Variants in CRTAC1 observed in about 807,000 individuals in gnomAD.
The protein encoded by CRTAC1 is cartilage acidic protein 1.
CRTAC1 carries 37 observed loss-of-function variants against 67.8 expected under a neutral mutation model. The observed-to-expected ratio is 0.55, with a 90% CI of 0.42 to 0.72. The LOEUF is 0.72. Ranked by LOEUF, CRTAC1 falls within the 30% of genes least tolerant of loss-of-function variation. The pLI is 0.00. For missense variants in CRTAC1, 780 were observed against 931.6 expected (o/e 0.84, Z 2.12); for synonymous variants, 348 against 371.0 (o/e 0.94, Z 0.71).
intron 1 of CRTAC1, among the ~76,000 whole-genome samples, chr10:98,024,317 G>A (rs1843180860): frequency 6.6e-6 from 1 of 152,212 alleles, no homozygotes; most frequent in Non-Finnish European, 1.5e-5. Flanking sequence ...GCTAATTAAA[G>A]TAATACGTCA....
intron 14 of CRTAC1, 101 bp from the exon 15 acceptor site, chr10:97,865,815 G>C: frequency 5.8e-6 from 4 of 688,818 alleles, no homozygotes; most frequent in African/African-American, 1.8e-5. Flanking sequence ...TCACCCTGCT[G>C]CCCGGGGTGG....
chr10:97,897,176 G>C (rs2050473187), intron 8 of CRTAC1, among the ~76,000 whole-genome samples, 185 bp from the exon 9 acceptor site: 3 of 152,176 alleles, frequency 2.0e-5, no homozygotes, highest in Admixed American at 2.0e-4. Flanking sequence ...TCCCTGCCTG[G>C]GTTTTAATTT....
chr10:97,987,887 C>G (rs1002947683), intron 2 of CRTAC1, among the ~76,000 whole-genome samples: 2 of 152,166 alleles, frequency 1.3e-5, no homozygotes, highest in Non-Finnish European at 2.9e-5. Context: ...AATCCTACCC[C>G]CTTTCCCAAC....
chr10:97,911,458 A>G (rs949760293), intron 5 of CRTAC1, among the ~76,000 whole-genome samples: 1 of 152,228 alleles, frequency 6.6e-6, no homozygotes, highest in East Asian at 1.9e-4. Context: ...CAACCGGACC[A>G]TAACAGAGAT....
At position 97,897,780 on chromosome 10, in the gene CRTAC1, G is replaced by T. The variant is rs974217341; in HGVS notation, c.1134-789C>A. On this transcript the variant is annotated intron_variant, in intron 8 of 14. Coordinates refer to ENST00000370597, the MANE Select transcript of CRTAC1 (RefSeq NM_018058.7). The stretch of plus-strand genomic sequence containing the variant: ...TTTCCTCTAGAATTTTTCTCACTTG[G>T]TGTATTCTCACAGCCTTGGGTGCTC... Among the ~76,000 whole-genome samples, 4 of 152,212 alleles carry T rather than the reference G, an allele frequency of 2.6e-5. No homozygotes were observed. The South Asian group carries it at 8.3e-4, about 32-fold the overall frequency.
At chr10:97,912,569 T>C (rs534706150) in intron 5 of CRTAC1, among the ~76,000 whole-genome samples, 8 of 83,194 alleles carry the variant, frequency 9.6e-5, no homozygotes, top group African/African-American at 2.4e-4. Context: ...AATCCATCTC[T>C]CAGACTGCAT....
intron 2 of CRTAC1, among the ~76,000 whole-genome samples, chr10:97,953,969 C>G (rs543513726): frequency 6.6e-6 from 1 of 152,270 alleles, no homozygotes; most frequent in African/African-American, 2.4e-5. Context: ...TACTTTATGG[C>G]TCTGGCAAAT....
intron 2 of CRTAC1, among the ~76,000 whole-genome samples, chr10:97,938,609 TC>T (rs2136617128): frequency 6.6e-6 from 1 of 152,276 alleles, no homozygotes; most frequent in East Asian, 1.9e-4. Flanking sequence ...TGTTCATTTT[TC>T]CCCCTGGCTG....
intron 2 of CRTAC1, among the ~76,000 whole-genome samples, chr10:97,980,296 C>T (rs1305012025): frequency 1.3e-5 from 2 of 152,170 alleles, no homozygotes; most frequent in East Asian, 1.9e-4. Context: ...TAACAATGCA[C>T]TTGCTTTTAT....
intron 8 of CRTAC1, among the ~76,000 whole-genome samples, chr10:97,899,579 T>C (rs976432505): frequency 6.6e-6 from 1 of 152,222 alleles, no homozygotes; most frequent in Non-Finnish European, 1.5e-5. Flanking sequence ...TAGCAATTGA[T>C]CTTCTGCAAT....
At chr10:97,908,200 C>T in intron 5 of CRTAC1, 53 bp from the exon 6 acceptor site, 4 of 1,604,670 alleles carry the variant, frequency 2.5e-6, no homozygotes, top group Non-Finnish European at 3.4e-6. Context: ...CCAGGCCCAC[C>T]TGGAGGACAG....
chr10:97,924,397 G>A (rs2050884103), intron 3 of CRTAC1, among the ~76,000 whole-genome samples: 1 of 152,220 alleles, frequency 6.6e-6, no homozygotes, highest in South Asian at 2.1e-4. Context: ...GTGAGGTTGA[G>A]GAAGAGTGGA....
At chr10:97,971,065 C>T (rs1468478852) in intron 2 of CRTAC1, among the ~76,000 whole-genome samples, 1 of 152,176 alleles carries the variant, frequency 6.6e-6, no homozygotes, top group Non-Finnish European at 1.5e-5. Flanking sequence ...ATCAAAGTAA[C>T]AAAGATAAAC....
chr10:97,875,004 A>G (rs1188149581), intron 14 of CRTAC1, among the ~76,000 whole-genome samples: 2 of 152,196 alleles, frequency 1.3e-5, no homozygotes, highest in East Asian at 3.9e-4. Context: ...TTGTTCACAG[A>G]TGTATATCCC....
At chr10:97,988,775 T>C (rs1479310555) in intron 2 of CRTAC1, among the ~76,000 whole-genome samples, 2 of 152,192 alleles carry the variant, frequency 1.3e-5, no homozygotes, top group African/African-American at 4.8e-5. Context: ...TCTGAGTACT[T>C]TCCACATGTC....
At chr10:97,929,747 TA>T (rs1260929158) in intron 3 of CRTAC1, among the ~76,000 whole-genome samples, 1 of 152,210 alleles carries the variant, frequency 6.6e-6, no homozygotes, top group Non-Finnish European at 1.5e-5. Context: ...TGGCACATGA[TA>T]AGTTAAATAA....
intron 5 of CRTAC1, among the ~76,000 whole-genome samples, chr10:97,911,627 T>A (rs936932395): frequency 1.3e-5 from 2 of 152,210 alleles, no homozygotes; most frequent in African/African-American, 4.8e-5. Flanking sequence ...CACCCCTCAC[T>A]GATGCCATAG....
At chr10:97,873,422 C>A (rs1358249535) in intron 14 of CRTAC1, among the ~76,000 whole-genome samples, 1 of 152,200 alleles carries the variant, frequency 6.6e-6, no homozygotes, top group Non-Finnish European at 1.5e-5. Context: ...TCTGTGTCAG[C>A]CTTCGAGGGC....
chr10:97,996,773 A>T (rs1039564168), intron 2 of CRTAC1, among the ~76,000 whole-genome samples: 94 of 152,314 alleles, frequency 6.2e-4, no homozygotes, highest in African/African-American at 2.2e-3. Context: ...TGCTATAAAG[A>T]CACATGCACA....
Sources: gnomAD v4.1 joint callset for allele counts (sites outside exome capture counted in the v4.1 genomes callset) on GRCh38, gnomAD v4.1.1 for gene constraint, MANE v1.5 for transcripts, NCBI Gene and HGNC (gene_info 2026-07-23, HGNC 2026-07-21) for gene names.